Variants in GALNT17 observed in about 807,000 individuals in gnomAD.
GALNT17 encodes UDP-GalNAc:polypeptide N-acetylgalactosaminyltransferase-like 3.
A neutral mutation model predicts 63.7 loss-of-function variants in GALNT17; 29 were observed. The ratio of observed to expected loss-of-function variants is 0.46; its 90% CI spans 0.34 to 0.62. The LOEUF (loss-of-function observed/expected upper bound fraction) is 0.62. GALNT17 is among the 20% of genes least tolerant of loss of function. The pLI, the probability that GALNT17 is intolerant of heterozygous loss-of-function variation, is 0.01. For missense variants in GALNT17, 603 were observed against 799.6 expected, an observed-to-expected ratio of 0.75 and a Z score of 2.97; for synonymous variants, 305 against 318.3, an observed-to-expected ratio of 0.96 and a Z score of 0.45.
chr7:71,306,420 A>G lies in GALNT17; in HGVS notation c.239-29130A>G, dbSNP rs144164362. ...CTACCTGCTGTCAACGCCCCCCACTATTCTTCTTTCTCTGTCTCTAGAATT... is the reference window on the plus strand; with the variant it reads ...CTACCTGCTGTCAACGCCCCCCACTGTTCTTCTTTCTCTGTCTCTAGAATT... On this transcript the variant is annotated intron_variant, in intron 1 of 10. Transcript: ENST00000333538. 5.8e-4 allele frequency among the ~76,000 whole-genome samples: 87 copies of G among 150,840 alleles called. 1 individual carries two copies. In the East Asian group the frequency reaches 0.015, roughly 27 times the overall value.
chr7:71,472,828 G>A (rs1386202563), intron 5 of GALNT17, among the ~76,000 whole-genome samples: 1 of 152,234 alleles, frequency 6.6e-6, no homozygotes, highest in South Asian at 2.1e-4. Flanking sequence ...GACCTTTGTT[G>A]ACCAAAACAA....
At chr7:71,681,109 TG>T (rs1281859809) in intron 9 of GALNT17, among the ~76,000 whole-genome samples, 1 of 152,170 alleles carries the variant, frequency 6.6e-6, no homozygotes, top group Non-Finnish European at 1.5e-5. Flanking sequence ...CTGTGTTGCC[TG>T]GGCTTGTCTT....
At chr7:71,589,720 GATA>G (rs1408019635) in intron 6 of GALNT17, among the ~76,000 whole-genome samples, 8 of 152,300 alleles carry the variant, frequency 5.3e-5, no homozygotes, top group African/African-American at 1.9e-4. Flanking sequence ...TTTTACAGAT[GATA>G]ATACTGGGAT....
chr7:71,486,309 A>C (rs1787907267), intron 5 of GALNT17, among the ~76,000 whole-genome samples: 1 of 150,472 alleles, frequency 6.6e-6, no homozygotes, highest in Admixed American at 6.7e-5. Context: ...TCCCAGCCTG[A>C]GTGACAGGGC....
intron 5 of GALNT17, among the ~76,000 whole-genome samples, chr7:71,556,494 T>C (rs151107478): frequency 2.4e-3 from 358 of 152,312 alleles, no homozygotes; most frequent in African/African-American, 8.0e-3. Flanking sequence ...CCCACTGTTA[T>C]TAAATATGTA....
At chr7:71,691,105 G>C (rs1045770671) in intron 9 of GALNT17, among the ~76,000 whole-genome samples, 1 of 152,142 alleles carries the variant, frequency 6.6e-6, no homozygotes, top group Non-Finnish European at 1.5e-5. Context: ...TCATGGAAGG[G>C]AGAGAGTCAA....
intron 2 of GALNT17, among the ~76,000 whole-genome samples, chr7:71,353,197 C>A (rs1792220145): frequency 6.6e-6 from 1 of 152,058 alleles, no homozygotes; most frequent in East Asian, 1.9e-4. Flanking sequence ...ACAAAAAATT[C>A]TCTATTTTCT....
rs117379164 is a variant in GALNT17, at chr7:71,583,609, G to A, written c.1080+12207G>A. ...GGGGAAAAATTAAACAGATTCCCTG[G>A]CATTAGATAGCAGGGCCATTTTGCT... On this transcript the variant is annotated intron_variant, in intron 6 of 10. Transcript: ENST00000333538. 1.6e-3 allele frequency among the ~76,000 whole-genome samples: 246 copies of A among 152,246 alleles called. 1 individual carries two copies. The highest frequency in any genetic ancestry group is 2.9e-3 in the Non-Finnish European group (197 of 68,014).
intron 2 of GALNT17, among the ~76,000 whole-genome samples, chr7:71,372,983 T>TA (rs1792653398): frequency 1.3e-5 from 2 of 152,180 alleles, no homozygotes; most frequent in African/African-American, 4.8e-5. Context: ...GGTGGGGAGC[T>TA]TTTAGTATCA....
chr7:71,369,377 A>G (rs563634372), intron 2 of GALNT17, among the ~76,000 whole-genome samples: 1 of 152,304 alleles, frequency 6.6e-6, no homozygotes, highest in South Asian at 2.1e-4. Flanking sequence ...TGCCTCATGT[A>G]TCCACTACCA....
chr7:71,614,740 T>G (rs1790173690), intron 6 of GALNT17, among the ~76,000 whole-genome samples: 1 of 137,360 alleles, frequency 7.3e-6, no homozygotes, highest in African/African-American at 2.8e-5. Context: ...GAAAAAGAAG[T>G]GGAGAGAGCG....
intron 1 of GALNT17, among the ~76,000 whole-genome samples, chr7:71,306,657 T>C (rs1445942517): frequency 6.6e-6 from 1 of 152,146 alleles, no homozygotes; most frequent in African/African-American, 2.4e-5. Context: ...TTGAAAGTAA[T>C]GGCAAAAAAC....
intron 1 of GALNT17, among the ~76,000 whole-genome samples, chr7:71,164,813 C>T (rs574273002): frequency 6.1e-4 from 93 of 152,228 alleles, no homozygotes; most frequent in African/African-American, 2.0e-3. Context: ...AATTAAAACC[C>T]GTCTTATTTC....
chr7:71,634,980 G>A (rs536882756), intron 6 of GALNT17, among the ~76,000 whole-genome samples: 55 of 151,966 alleles, frequency 3.6e-4, no homozygotes, highest in African/African-American at 1.3e-3. Context: ...AGGCTGAGGC[G>A]GGTGGATCAT....
intron 4 of GALNT17, among the ~76,000 whole-genome samples, chr7:71,417,334 C>G (rs1165986411): frequency 7.2e-5 from 11 of 152,180 alleles, no homozygotes; most frequent in African/African-American, 1.9e-4. Flanking sequence ...ACTGATAACA[C>G]TGACCCCTTC....
intron 5 of GALNT17, among the ~76,000 whole-genome samples, chr7:71,455,161 T>C (rs1787331448): frequency 6.6e-6 from 1 of 150,502 alleles, no homozygotes; most frequent in Admixed American, 6.6e-5. Flanking sequence ...AGCAAAATCT[T>C]GTTTCAAAAA....
At chr7:71,352,757 G>A (rs959254816) in intron 2 of GALNT17, among the ~76,000 whole-genome samples, 4 of 152,112 alleles carry the variant, frequency 2.6e-5, no homozygotes, top group East Asian at 1.9e-4. Context: ...AATTTAGAAC[G>A]TGGGTAGAGG....
At chr7:71,324,915 G>A (rs983092334) in intron 1 of GALNT17, among the ~76,000 whole-genome samples, 1 of 152,020 alleles carries the variant, frequency 6.6e-6, no homozygotes, top group South Asian at 2.1e-4. Flanking sequence ...ACTAATAATT[G>A]TATCCAAAAT....
At chr7:71,306,408 A>T (rs749831128) in intron 1 of GALNT17, among the ~76,000 whole-genome samples, 1 of 151,532 alleles carries the variant, frequency 6.6e-6, no homozygotes, top group Non-Finnish European at 1.5e-5. Flanking sequence ...CCTGCTGTCA[A>T]CGCCCCCCAC....
Sources: allele counts gnomAD v4.1 joint callset (sites outside exome capture counted in the v4.1 genomes callset), GRCh38; gene constraint gnomAD v4.1.1; transcripts MANE v1.5; gene names NCBI Gene and HGNC (gene_info 2026-07-23, HGNC 2026-07-21).